The following ASCC3 variants were observed in gnomAD, a reference collection of about 807,000 sequenced individuals.
ASCC3 encodes the protein activating signal cointegrator 1 complex subunit 3.
ASCC3 carries 158 observed loss-of-function variants against 256.3 expected under a neutral mutation model. The ratio of observed to expected loss-of-function variants is 0.62; its 90% CI spans 0.54 to 0.70. The LOEUF is 0.70. Ranked by LOEUF, ASCC3 falls within the 30% of genes least tolerant of loss-of-function variation. The probability of loss-of-function intolerance (pLI) is 0.00; values close to 1 mark genes in which losing one functional copy is unlikely to be tolerated. For synonymous variants in ASCC3, 948 were observed against 883.4 expected (o/e 1.07, Z -1.30); for missense variants, 2,259 against 2,626.0 (o/e 0.86, Z 3.05).
chr6:100,706,819 C>T (rs1353495592), intron 13 of ASCC3, among the ~76,000 whole-genome samples: 1 of 152,022 alleles, frequency 6.6e-6, no homozygotes, highest in African/African-American at 2.4e-5. Flanking sequence ...TAAAGTTAAA[C>T]ATATAATGTA....
In ASCC3 at chr6:100,646,715, T is replaced by C. The variant is rs750261074; in HGVS notation, c.3533A>G (p.Gln1178Arg). 41 of 1,613,986 alleles carry C rather than the reference T, an allele frequency of 2.5e-5. No homozygotes were observed. The South Asian group carries it at 4.0e-4, about 16-fold the overall frequency. ...TGCTTCCATCATAACAGAAGGAATC[T>C]GATGAACACATTGTTTGACCTTCAG... ...IGLKVKQCVH[Q>R]IPSVMMEASI... Residue 1178 changes from glutamine to arginine, a missense_variant, in exon 22 of 42, where the codon CAG (glutamine) becomes CGG (arginine). By Grantham distance (43) the Gln-to-Arg change is conservative. Coordinates refer to ENST00000369162, the MANE Select transcript of ASCC3 (RefSeq NM_006828.4).
intron 8 of ASCC3, among the ~76,000 whole-genome samples, chr6:100,783,974 T>C (rs1359225184): frequency 6.6e-6 from 1 of 152,140 alleles, no homozygotes; most frequent in Non-Finnish European, 1.5e-5. Flanking sequence ...TAGGGCATGG[T>C]GAGTTTAAAG....
At chr6:100,536,303 T>C (rs932662793) in intron 37 of ASCC3, among the ~76,000 whole-genome samples, 1 of 152,106 alleles carries the variant, frequency 6.6e-6, no homozygotes, top group African/African-American at 2.4e-5. Context: ...GGTCTTAGAT[T>C]GAAATAAGAG....
intron 36 of ASCC3, among the ~76,000 whole-genome samples, chr6:100,583,565 G>A (rs1011814885): frequency 2.0e-5 from 3 of 152,092 alleles, no homozygotes; most frequent in African/African-American, 7.2e-5. Context: ...TTTTTTGAAA[G>A]GTTTTTTGTG....
At chr6:100,851,289 AAAAT>A (rs1240265948) in intron 3 of ASCC3, among the ~76,000 whole-genome samples, 1 of 152,214 alleles carries the variant, frequency 6.6e-6, no homozygotes, top group Non-Finnish European at 1.5e-5. Context: ...ATAAATTTTA[AAAAT>A]AAATAGGTCA....
intron 13 of ASCC3, among the ~76,000 whole-genome samples, chr6:100,688,337 A>G (rs1209693233): frequency 6.6e-6 from 1 of 152,088 alleles, no homozygotes; most frequent in East Asian, 1.9e-4. Context: ...GAAAGCATTT[A>G]GATATGTATA....
intron 8 of ASCC3, among the ~76,000 whole-genome samples, chr6:100,779,164 G>T (rs1389467847): frequency 6.6e-6 from 1 of 151,892 alleles, no homozygotes; most frequent in Admixed American, 6.6e-5. Context: ...CCTATTCAAT[G>T]AAATAATATG....
intron 36 of ASCC3, among the ~76,000 whole-genome samples, chr6:100,553,193 C>G (rs1212316616): frequency 6.6e-6 from 1 of 152,066 alleles, no homozygotes; most frequent in Non-Finnish European, 1.5e-5. Flanking sequence ...GCAGCAATCT[C>G]AAGATCAGCA....
rs1456420319 is a variant in ASCC3 at position 100,800,303 on chromosome 6, T to C, written c.1124A>G (p.Gln375Arg). ...MCFDPKELRI[Q>R]REQALLNARS... ...TTCAGCTCCTGGCTTTTATTACCTT[T>C]GTATCCGCAATTCCTTAGGATCAAA... Residue 375 changes from glutamine to arginine, a missense_variant, in exon 6 of 42, where the codon CAA (glutamine) becomes CGA (arginine). Physicochemically the swap from Gln to Arg is conservative, Grantham distance 43. Transcript: ENST00000369162. 3.1e-6 allele frequency: 5 copies of C among 1,612,624 alleles called. No homozygotes were observed. The South Asian group carries it at 5.5e-5, about 18-fold the overall frequency.
chr6:100,582,970 G>A (rs529173911), intron 36 of ASCC3, among the ~76,000 whole-genome samples: 1 of 152,262 alleles, frequency 6.6e-6, no homozygotes, highest in Admixed American at 6.5e-5. Flanking sequence ...TTTTTGATGT[G>A]CTGCTGGATT....
At chr6:100,750,920 G>C (rs916174033) in intron 10 of ASCC3, among the ~76,000 whole-genome samples, 3 of 151,960 alleles carry the variant, frequency 2.0e-5, no homozygotes, top group African/African-American at 4.8e-5. Context: ...CCTTTCCTCT[G>C]ATGGTCACCT....
chr6:100,679,364 T>C (rs1157925846), intron 14 of ASCC3, among the ~76,000 whole-genome samples: 1 of 152,210 alleles, frequency 6.6e-6, no homozygotes, highest in Non-Finnish European at 1.5e-5. Flanking sequence ...CTGCATTTTA[T>C]ATTTTAACTA....
At chr6:100,877,783 G>A (rs1322550491) in intron 1 of ASCC3, among the ~76,000 whole-genome samples, 1 of 152,148 alleles carries the variant, frequency 6.6e-6, no homozygotes, top group Non-Finnish European at 1.5e-5. Context: ...AATGGGGGAT[G>A]GGCAACAAGA....
intron 11 of ASCC3, among the ~76,000 whole-genome samples, chr6:100,724,168 A>C (rs973136788): frequency 7.3e-5 from 11 of 150,766 alleles, no homozygotes; most frequent in Non-Finnish European, 1.0e-4. Flanking sequence ...AACAAAAAAA[A>C]ACACACAAGT....
At chr6:100,606,065 T>C (rs890668331) in intron 32 of ASCC3, among the ~76,000 whole-genome samples, 1 of 151,910 alleles carries the variant, frequency 6.6e-6, no homozygotes, top group African/African-American at 2.4e-5. Context: ...TATACAAAAA[T>C]CTTTTCAGCA....
chr6:100,668,634 CA>C (rs1009552794), intron 14 of ASCC3, among the ~76,000 whole-genome samples: 3 of 151,848 alleles, frequency 2.0e-5, no homozygotes, highest in African/African-American at 7.2e-5. Context: ...AATACAATAA[CA>C]ATATCTCTCT....
chr6:100,706,254 C>T (rs1380062491), intron 13 of ASCC3, among the ~76,000 whole-genome samples: 1 of 150,980 alleles, frequency 6.6e-6, no homozygotes, highest in Non-Finnish European at 1.5e-5. Context: ...TACAAATCAC[C>T]TACTTAAAGT....
At chr6:100,663,010 T>C (rs1193115160) in intron 14 of ASCC3, among the ~76,000 whole-genome samples, 4 of 152,090 alleles carry the variant, frequency 2.6e-5, no homozygotes, top group African/African-American at 9.6e-5. Context: ...CAAGTCCATA[T>C]CTGCTTCAGA....
intron 22 of ASCC3, among the ~76,000 whole-genome samples, chr6:100,644,451 CT>C (rs1775281767): frequency 6.6e-6 from 1 of 152,118 alleles, no homozygotes; most frequent in Admixed American, 6.6e-5. Context: ...TCTTTTGTGA[CT>C]GGAGTTTTTA....
Sources: gnomAD v4.1 joint callset for allele counts (sites outside exome capture counted in the v4.1 genomes callset) on GRCh38, gnomAD v4.1.1 for gene constraint, MANE v1.5 for transcripts, NCBI Gene and HGNC (gene_info 2026-07-23, HGNC 2026-07-21) for gene names.